Variants in SDCCAG8 observed in about 807,000 individuals in gnomAD.
SDCCAG8 encodes SHH signaling and ciliogenesis regulator SDCCAG8.
A neutral mutation model predicts 101.8 loss-of-function variants in SDCCAG8; 74 were observed. The observed-to-expected ratio is 0.73, with a 90% CI of 0.60 to 0.88. The LOEUF is 0.88. SDCCAG8 is among the 40% of genes least tolerant of loss of function. The probability of loss-of-function intolerance (pLI) is 0.00; values close to 1 mark genes in which losing one functional copy is unlikely to be tolerated. For missense variants in SDCCAG8, 787 were observed against 822.6 expected, an observed-to-expected ratio of 0.96 and a Z score of 0.53; for synonymous variants, 281 against 292.9, an observed-to-expected ratio of 0.96 and a Z score of 0.41.
At chr1:243,485,402 G>A (rs973671524) in intron 16 of SDCCAG8, among the ~76,000 whole-genome samples, 1 of 152,200 alleles carries the variant, frequency 6.6e-6, no homozygotes, top group Non-Finnish European at 1.5e-5. Flanking sequence ...GTCATCAACA[G>A]TGCTATTTGA....
At chr1:243,326,648 A>G (rs1298420364) in intron 9 of SDCCAG8, among the ~76,000 whole-genome samples, 1 of 152,152 alleles carries the variant, frequency 6.6e-6, no homozygotes, top group Non-Finnish European at 1.5e-5. Flanking sequence ...TAATCTTTTT[A>G]ATTTTGTGGG....
At chr1:243,275,833 G>GGA (rs1253089906) in intron 4 of SDCCAG8, among the ~76,000 whole-genome samples, 1 of 150,298 alleles carries the variant, frequency 6.7e-6, no homozygotes, top group African/African-American at 2.5e-5. Flanking sequence ...TGTTTCTATG[G>GGA]GAGAGAGAGA....
In SDCCAG8 at chr1:243,323,823, G is replaced by A. The variant is rs137980575; in HGVS notation, c.1069-6717G>A. On this transcript the variant is annotated intron_variant, in intron 9 of 17. Coordinates refer to ENST00000366541, the MANE Select transcript of SDCCAG8 (RefSeq NM_006642.5). ...CATTGGACTTAAACTCTATAGATTT[G>A]GAACCCTGTTAACTGGCCTATCATA... is the stretch of plus-strand genomic sequence containing the variant. Among the ~76,000 whole-genome samples the A allele has an allele frequency of 1.6e-4, 24 of 152,214 alleles. 1 individual carries two copies. Among genetic ancestry groups the A allele is most frequent in the African/African-American group, 5.5e-4 (23 of 41,532 alleles).
chr1:243,380,986 T>C (rs2077909742), intron 13 of SDCCAG8, among the ~76,000 whole-genome samples: 1 of 152,124 alleles, frequency 6.6e-6, no homozygotes, highest in Non-Finnish European at 1.5e-5. Flanking sequence ...CCATACTTTA[T>C]TGATTCAGTA....
At chr1:243,398,384 G>A (rs1394321913) in intron 13 of SDCCAG8, among the ~76,000 whole-genome samples, 1 of 151,910 alleles carries the variant, frequency 6.6e-6, no homozygotes, top group Non-Finnish European at 1.5e-5. Flanking sequence ...TTTTAATCTG[G>A]ATGAGGCAAT....
intron 15 of SDCCAG8, among the ~76,000 whole-genome samples, chr1:243,420,474 G>A (rs564964931): frequency 1.3e-5 from 2 of 152,164 alleles, no homozygotes; most frequent in African/African-American, 2.4e-5. Flanking sequence ...GTCATTTTCC[G>A]ACGGACATAA....
chr1:243,327,466 A>AT (rs1481616203), intron 9 of SDCCAG8, among the ~76,000 whole-genome samples: 4 of 136,906 alleles, frequency 2.9e-5, no homozygotes, highest in Admixed American at 1.4e-4. Flanking sequence ...TAAAATTATA[A>AT]TTATAATTTT....
chr1:243,267,581 G>T (rs1353179188), intron 1 of SDCCAG8: 21 of 500,820 alleles, frequency 4.2e-5, no homozygotes, highest in Non-Finnish European at 7.6e-5. Context: ...CAGCCTGGGC[G>T]ACAAGAGCCA....
At chr1:243,491,139 T>C (rs1212116716) in intron 17 of SDCCAG8, among the ~76,000 whole-genome samples, 1 of 152,264 alleles carries the variant, frequency 6.6e-6, no homozygotes, top group Non-Finnish European at 1.5e-5. Context: ...GCTTTGCCTT[T>C]TAACTCCCCA....
intron 12 of SDCCAG8, among the ~76,000 whole-genome samples, chr1:243,369,872 A>T (rs539242772): frequency 1.3e-5 from 2 of 151,566 alleles, no homozygotes; most frequent in East Asian, 3.9e-4. Context: ...TATATATTTG[A>T]CTCCTTCATT....
At chr1:243,478,466 G>A (rs1662844053) in intron 16 of SDCCAG8, among the ~76,000 whole-genome samples, 1 of 152,182 alleles carries the variant, frequency 6.6e-6, no homozygotes, top group Admixed American at 6.5e-5. Context: ...GCATCCCCAA[G>A]GAGCCCCCTG....
Position 243,487,595 on chromosome 1 carries a change from G to A in SDCCAG8, c.1986-1419G>A, listed in dbSNP as rs1025109117. ...CAGGGCAGGGCCTGGCTGTTGCCCA[G>A]GCTCCAAAGAGGCGCCAGGGCGTCC... On this transcript the variant is annotated intron_variant, in intron 16 of 17. Coordinates refer to ENST00000366541, the MANE Select transcript of SDCCAG8 (RefSeq NM_006642.5). 2.6e-5 allele frequency among the ~76,000 whole-genome samples: 4 copies of A among 152,130 alleles called. No homozygotes were observed. In the East Asian group the frequency reaches 5.8e-4, roughly 22 times the overall value.
At chr1:243,495,129 C>T (rs1295532442) in intron 17 of SDCCAG8, among the ~76,000 whole-genome samples, 1 of 152,232 alleles carries the variant, frequency 6.6e-6, no homozygotes, top group African/African-American at 2.4e-5. Flanking sequence ...ACTCAGACCC[C>T]ACGGTTGGGA....
chr1:243,449,791 C>T (rs1002050341), intron 16 of SDCCAG8, among the ~76,000 whole-genome samples: 6 of 152,130 alleles, frequency 3.9e-5, no homozygotes, highest in Non-Finnish European at 5.9e-5. Flanking sequence ...CTCCTTTTGG[C>T]CTTTTGCCTA....
Position 243,268,168 on chromosome 1 carries a change from T to C in SDCCAG8, c.68-1937T>C, listed in dbSNP as rs189144017. 8 of 583,424 alleles carry C rather than the reference T, an allele frequency of 1.4e-5. No homozygotes were observed. In the Admixed American group the frequency reaches 2.3e-4, roughly 17 times the overall value. The allele number at this position is 583,424 out of a possible 1,614,324, so 36.1% of individuals were successfully genotyped here. ...TCCGTAATCACCAACGGTGCAATGC[T>C]TTTACCTGGAATACATTTTTATGTT... On this transcript the variant is annotated intron_variant, in intron 1 of 17. Coordinates refer to ENST00000366541, the MANE Select transcript of SDCCAG8 (RefSeq NM_006642.5).
intron 12 of SDCCAG8, among the ~76,000 whole-genome samples, chr1:243,372,057 A>G (rs1393879153): frequency 6.6e-6 from 1 of 152,130 alleles, no homozygotes; most frequent in African/African-American, 2.4e-5. Flanking sequence ...TAAATTTCCA[A>G]TGAGTTCATA....
At chr1:243,281,854 C>T (rs1237211462) in intron 4 of SDCCAG8, among the ~76,000 whole-genome samples, 2 of 152,082 alleles carry the variant, frequency 1.3e-5, no homozygotes, top group African/African-American at 4.8e-5. Context: ...CTATGTTGCC[C>T]AGGCTGGTGG....
At chr1:243,322,507 T>G (rs2073837036) in intron 9 of SDCCAG8, among the ~76,000 whole-genome samples, 1 of 152,262 alleles carries the variant, frequency 6.6e-6, no homozygotes, top group Non-Finnish European at 1.5e-5. Context: ...CAGTGCTATC[T>G]GTAACAACTT....
intron 1 of SDCCAG8, chr1:243,269,302 ATT>A (rs35934186): frequency 3.3e-5 from 4 of 120,558 alleles, no homozygotes; most frequent in Admixed American, 8.6e-5. Flanking sequence ...CTTGGAGGCT[ATT>A]TTTTTTTTTT....
Sources: gnomAD v4.1 joint callset for allele counts (sites outside exome capture counted in the v4.1 genomes callset) on GRCh38, gnomAD v4.1.1 for gene constraint, MANE v1.5 for transcripts, NCBI Gene and HGNC (gene_info 2026-07-23, HGNC 2026-07-21) for gene names.